Variants in PACRG observed in about 807,000 individuals in gnomAD.
PACRG encodes parkin coregulated, also known as parkin coregulated gene protein.
PACRG carries 29 observed loss-of-function variants against 29.7 expected under a neutral mutation model. The ratio of observed to expected loss-of-function variants is 0.98; its 90% CI spans 0.73 to 1.33. The LOEUF (loss-of-function observed/expected upper bound fraction) is 1.33, where lower values mean the gene tolerates loss of function less well. PACRG is among the 40% of genes most tolerant of loss of function. The pLI is 0.00. For missense variants in PACRG, 279 were observed against 316.2 expected (o/e 0.88, Z 0.89); for synonymous variants, 116 against 118.7 (o/e 0.98, Z 0.15).
intron 2 of PACRG, among the ~76,000 whole-genome samples, chr6:163,016,446 T>A (rs1319865717): frequency 2.6e-5 from 4 of 152,286 alleles, no homozygotes; most frequent in East Asian, 1.9e-4. Context: ...TTTTTTTTTT[T>A]TTATTCCTCA....
intron 4 of PACRG, among the ~76,000 whole-genome samples, chr6:163,111,450 A>G (rs1046179036): frequency 6.6e-6 from 1 of 152,248 alleles, no homozygotes; most frequent in Non-Finnish European, 1.5e-5. Context: ...CAACATCCAC[A>G]CAGCTAGTTG....
chr6:163,262,526 CTT>C (rs35264261), intron 4 of PACRG, among the ~76,000 whole-genome samples: 7 of 148,778 alleles, frequency 4.7e-5, no homozygotes, highest in African/African-American at 7.4e-5. Context: ...AACATGATCT[CTT>C]TTTTTTTTTC....
Position 163,040,043 on chromosome 6 carries a change from G to C in PACRG, c.292-22107G>C, listed in dbSNP as rs544213110. On this transcript the variant is annotated intron_variant, in intron 2 of 4. Transcript: ENST00000366888. Reference sequence around the variant, plus strand: ...TTCATGGCAGCCCTTCCCATCACAGGCCTTGAGGTCTAGGAGGGAAAATAG... The same window carrying C: ...TTCATGGCAGCCCTTCCCATCACAGCCCTTGAGGTCTAGGAGGGAAAATAG... Among the ~76,000 whole-genome samples the C allele has an allele frequency of 1.0e-3, 154 of 152,322 alleles. 1 individual carries two copies. The highest frequency in any genetic ancestry group is 3.2e-3 in the African/African-American group (132 of 41,582).
rs372089123 is a variant in PACRG at position 163,314,967 on chromosome 6, G to C, written c.754G>C (p.Glu252Gln). ...CATTAAGTACGTGGTCCCAACCTACGAGTCTTGCTTGCTAAACTAACAGTG... is the reference window on the plus strand; with the variant it reads ...CATTAAGTACGTGGTCCCAACCTACCAGTCTTGCTTGCTAAACTAACAGTG... ...INIKYVVPTY[E>Q]SCLLN The change falls in exon 5 of 5, where the codon GAG becomes CAG. Residue 252 changes from glutamate (E) to glutamine (Q), a missense_variant. By Grantham distance (29) the Glu-to-Gln change is conservative (BLOSUM62 2). Transcript: ENST00000366888. 2.5e-6 allele frequency: 4 copies of C among 1,613,832 alleles called. No individual in the cohort carries two copies. The highest frequency in any genetic ancestry group is 2.5e-6 in the Non-Finnish European group (3 of 1,179,890).
intron 4 of PACRG, among the ~76,000 whole-genome samples, chr6:163,145,851 C>T (rs559584686): frequency 2.5e-4 from 38 of 152,252 alleles, no homozygotes; most frequent in African/African-American, 4.3e-4. Flanking sequence ...GGGGCACTGA[C>T]GCCTACCGGA....
chr6:162,907,731 A>G (rs1796028320), intron 2 of PACRG, among the ~76,000 whole-genome samples: 1 of 152,178 alleles, frequency 6.6e-6, no homozygotes, highest in South Asian at 2.1e-4. Flanking sequence ...ATGCGTTTAC[A>G]CTTGAAATAG....
chr6:162,740,315 T>C (rs1780478545), intron 1 of PACRG, among the ~76,000 whole-genome samples: 1 of 138,422 alleles, frequency 7.2e-6, no homozygotes, highest in African/African-American at 2.9e-5. Context: ...ATATCAATCA[T>C]CTTTTTTTTT....
chr6:163,299,493 G>A (rs1400285728), intron 4 of PACRG, among the ~76,000 whole-genome samples: 2 of 152,150 alleles, frequency 1.3e-5, no homozygotes, highest in Non-Finnish European at 2.9e-5. Flanking sequence ...AGGCCAGGAA[G>A]GTTGCCTGTC....
chr6:163,004,791 C>G (rs1244018118), intron 2 of PACRG, among the ~76,000 whole-genome samples: 1 of 145,260 alleles, frequency 6.9e-6, no homozygotes, highest in Non-Finnish European at 1.5e-5. Flanking sequence ...GGGATTTAAA[C>G]TATTTTCTAA....
chr6:162,897,301 C>G (rs1391037097), intron 2 of PACRG, among the ~76,000 whole-genome samples: 2 of 152,198 alleles, frequency 1.3e-5, no homozygotes, highest in Non-Finnish European at 2.9e-5. Context: ...ACTGGATTAT[C>G]TTTCTGCTTT....
rs115239484 is a variant in PACRG at position 163,288,048 on chromosome 6, T to C, written c.614-26779T>C. Reference sequence around the variant, plus strand: ...AATTTAGACATTATTCAAACATTTATTCTGTATCATCTTTTTAGTTTGTTT... The same window carrying C: ...AATTTAGACATTATTCAAACATTTACTCTGTATCATCTTTTTAGTTTGTTT... On this transcript the variant is annotated intron_variant, in intron 4 of 4. Transcript: ENST00000366888. Among the ~76,000 whole-genome samples, 984 of 152,350 alleles carry C rather than the reference T, an allele frequency of 6.5e-3. 11 individuals carry two copies. In the East Asian group the frequency reaches 0.072, roughly 11 times the overall value.
intron 4 of PACRG, among the ~76,000 whole-genome samples, chr6:163,268,814 C>A (rs1783631413): frequency 6.6e-6 from 1 of 152,138 alleles, no homozygotes; most frequent in Admixed American, 6.5e-5. Context: ...GAGTGGCTCC[C>A]CGTAGCTTCC....
At chr6:162,755,637 A>C (rs964334922) in intron 1 of PACRG, among the ~76,000 whole-genome samples, 1 of 152,176 alleles carries the variant, frequency 6.6e-6, no homozygotes, top group Non-Finnish European at 1.5e-5. Context: ...GGGTTTCACC[A>C]TGTTGGTCAG....
At chr6:163,201,749 C>T (rs1780708802) in intron 4 of PACRG, among the ~76,000 whole-genome samples, 1 of 152,238 alleles carries the variant, frequency 6.6e-6, no homozygotes, top group Non-Finnish European at 1.5e-5. Flanking sequence ...CAATTAGGTA[C>T]ATGGTAAGAG....
intron 2 of PACRG, among the ~76,000 whole-genome samples, chr6:163,047,381 A>G (rs1809505766): frequency 6.6e-6 from 1 of 152,216 alleles, no homozygotes; most frequent in South Asian, 2.1e-4. Flanking sequence ...CCTATGGTTA[A>G]AATAAATGCA....
intron 4 of PACRG, among the ~76,000 whole-genome samples, chr6:163,311,989 A>C (rs1223561652): frequency 6.6e-6 from 1 of 152,176 alleles, no homozygotes; most frequent in African/African-American, 2.4e-5. Context: ...CTTCTGACTC[A>C]TATGCCGACA....
intron 4 of PACRG, among the ~76,000 whole-genome samples, chr6:163,127,366 C>G (rs1241192032): frequency 6.6e-6 from 1 of 152,190 alleles, no homozygotes; most frequent in Non-Finnish European, 1.5e-5. Flanking sequence ...TGGAAAATAG[C>G]CTGTGCTTTT....
At chr6:162,852,196 GGCTACAATTCAATCC>G (rs1790972011) in intron 2 of PACRG, among the ~76,000 whole-genome samples, 1 of 152,166 alleles carries the variant, frequency 6.6e-6, no homozygotes, top group Admixed American at 6.5e-5. Context: ...GTCTCAGAGG[GGCTACAATTCAATCC>G]AGTTTTTTTG....
chr6:162,882,854 T>C (rs1465391170), intron 2 of PACRG, among the ~76,000 whole-genome samples: 2 of 152,216 alleles, frequency 1.3e-5, no homozygotes, highest in African/African-American at 4.8e-5. Flanking sequence ...TTTAGCAGGC[T>C]TACCCTGAAG....
Sources: allele counts gnomAD v4.1 joint callset (sites outside exome capture counted in the v4.1 genomes callset), GRCh38; gene constraint gnomAD v4.1.1; transcripts MANE v1.5; gene names NCBI Gene and HGNC (gene_info 2026-07-23, HGNC 2026-07-21).